Variants in EBF2 observed in about 807,000 individuals in gnomAD.
EBF2 encodes EBF transcription factor 2.
EBF2 carries 21 observed loss-of-function variants against 72.8 expected under a neutral mutation model. That is an observed-to-expected ratio of 0.29 (90% CI 0.20 to 0.42). The LOEUF (loss-of-function observed/expected upper bound fraction) is 0.42. EBF2 is among the 10% of genes least tolerant of loss of function. EBF2 has a pLI of 1.00. For synonymous variants in EBF2, 299 were observed against 274.2 expected (o/e 1.09, Z -0.89); for missense variants, 637 against 731.2 (o/e 0.87, Z 1.49).
intron 14 of EBF2, among the ~76,000 whole-genome samples, chr8:25,853,390 A>G (rs2117251781): frequency 6.6e-6 from 1 of 152,266 alleles, no homozygotes; most frequent in East Asian, 1.9e-4. Context: ...AAAAAAGAAA[A>G]TCAGGAATAA....
intron 6 of EBF2, among the ~76,000 whole-genome samples, chr8:25,989,040 G>C (rs1288510224): frequency 2.0e-5 from 3 of 152,234 alleles, no homozygotes; most frequent in East Asian, 3.8e-4. Context: ...ACTGGTCTTA[G>C]AGTCAGGCAA....
At chr8:25,869,595 T>C (rs978485970) in intron 10 of EBF2, among the ~76,000 whole-genome samples, 10 of 152,158 alleles carry the variant, frequency 6.6e-5, no homozygotes, top group Non-Finnish European at 1.3e-4. Flanking sequence ...GATTAAACAC[T>C]TGCACTCACA....
intron 6 of EBF2, among the ~76,000 whole-genome samples, chr8:25,945,088 G>GCCCCCCCCCC (rs11461828): frequency 9.0e-4 from 115 of 127,400 alleles, no homozygotes; most frequent in Non-Finnish European, 1.1e-3. Context: ...TTGTTCTGTT[G>GCCCCCCCCCC]CCCCCCCCGC....
At chr8:25,854,364 G>T (rs746833698) in intron 14 of EBF2, among the ~76,000 whole-genome samples, 1 of 152,214 alleles carries the variant, frequency 6.6e-6, no homozygotes, top group South Asian at 2.1e-4. Flanking sequence ...TATGACCTGG[G>T]TCTGCATCAC....
At position 26,005,559 on chromosome 8, in the gene EBF2, T is replaced by TAG. The variant is rs1362114716; in HGVS notation, c.551+27525_551+27526insCT. ...TATATATTTTATATATATATATATA[T>TAG]ATAGAGAGAGAGAGAGAGAGGTATT... is the stretch of plus-strand genomic sequence containing the variant. On this transcript the variant is annotated intron_variant, in intron 6 of 15. Coordinates refer to ENST00000520164, the MANE Select transcript of EBF2 (RefSeq NM_022659.4). Among the ~76,000 whole-genome samples the TAG allele has an allele frequency of 9.5e-4, 53 of 55,568 alleles. 3 individuals are homozygous for TAG. Among genetic ancestry groups the TAG allele is most frequent in the African/African-American group, 4.3e-3 (48 of 11,086 alleles). 36.5% of individuals were successfully genotyped at this position (55,568 alleles called of 152,430 possible). A position where few individuals can be genotyped will look rare whatever the true frequency, so the allele number is the denominator to read the frequency against.
At chr8:26,010,247 C>A (rs920362264) in intron 6 of EBF2, among the ~76,000 whole-genome samples, 18 of 152,192 alleles carry the variant, frequency 1.2e-4, no homozygotes, top group African/African-American at 4.1e-4. Context: ...AAGAGAGTGT[C>A]TGCTGTTATT....
At chr8:25,877,748 T>A (rs1183593101) in intron 10 of EBF2, among the ~76,000 whole-genome samples, 1 of 152,126 alleles carries the variant, frequency 6.6e-6, no homozygotes, top group African/African-American at 2.4e-5. Context: ...TAGAAAGTTC[T>A]ACATAAGAGT....
At chr8:26,028,248 G>A (rs1171446675) in intron 6 of EBF2, among the ~76,000 whole-genome samples, 2 of 152,094 alleles carry the variant, frequency 1.3e-5, no homozygotes, top group African/African-American at 4.8e-5. Flanking sequence ...TCATTGTGTT[G>A]TTTGTTTGGT....
chr8:26,029,716 C>G (rs764920610), intron 6 of EBF2, among the ~76,000 whole-genome samples: 2 of 152,128 alleles, frequency 1.3e-5, no homozygotes, highest in African/African-American at 2.4e-5. Context: ...ATTATAGGAA[C>G]AAGGACAAGG....
chr8:25,995,103 C>T lies in EBF2; in HGVS notation c.551+37982G>A, dbSNP rs1480166626. The stretch of plus-strand genomic sequence containing the variant: ...GGCAGATCACGTGAGGTCAGGAGTT[C>T]GAGACCAGCCTGACCAACATGGAGA... On this transcript the variant is annotated intron_variant, in intron 6 of 15. Transcript: ENST00000520164. 3.9e-5 allele frequency among the ~76,000 whole-genome samples: 6 copies of T among 152,114 alleles called. No homozygotes were observed. The East Asian group carries it at 7.8e-4, about 20-fold the overall frequency.
At chr8:26,043,604 C>T (rs1028668079) in intron 1 of EBF2, among the ~76,000 whole-genome samples, 2 of 152,200 alleles carry the variant, frequency 1.3e-5, no homozygotes, top group Admixed American at 6.5e-5. Context: ...GGAACCGCCG[C>T]CGGCCCAAGT....
chr8:26,031,426 CTTTTTTTTTTTTT>C (rs138023531), intron 6 of EBF2: 4 of 82,052 alleles, frequency 4.9e-5, no homozygotes, highest in African/African-American at 1.5e-4. Context: ...TTTTCTTTTT[CTTTTTTTTTTTTT>C]TTTTTTTTTT....
chr8:25,990,874 T>G (rs1463937221), intron 6 of EBF2, among the ~76,000 whole-genome samples: 2 of 152,154 alleles, frequency 1.3e-5, no homozygotes, highest in African/African-American at 2.4e-5. Flanking sequence ...GCACTTGGAG[T>G]ACAGAGTGGA....
intron 13 of EBF2, 37 bp from the exon 14 acceptor site, chr8:25,858,541 G>C: frequency 6.3e-7 from 1 of 1,594,472 alleles, no homozygotes; most frequent in Non-Finnish European, 8.5e-7. Context: ...AAATCAACAG[G>C]CGTGCACAGT....
chr8:25,995,162 C>T (rs1585220008), intron 6 of EBF2, among the ~76,000 whole-genome samples: 2 of 152,000 alleles, frequency 1.3e-5, no homozygotes, highest in East Asian at 3.9e-4. Context: ...AAACATTAGC[C>T]AGGCGTGGTG....
At chr8:25,908,171 C>T (rs143996669) in intron 7 of EBF2, among the ~76,000 whole-genome samples, 36 of 152,276 alleles carry the variant, frequency 2.4e-4, no homozygotes, top group African/African-American at 8.4e-4. Context: ...ATATCAAGAA[C>T]ATGGTTCCTG....
chr8:25,959,848 G>T (rs1417811158), intron 6 of EBF2, among the ~76,000 whole-genome samples: 1 of 152,122 alleles, frequency 6.6e-6, no homozygotes, highest in Non-Finnish European at 1.5e-5. Context: ...GAAGCAAATG[G>T]CACCCAACAG....
At chr8:26,022,007 G>T (rs1364141536) in intron 6 of EBF2, among the ~76,000 whole-genome samples, 1 of 152,198 alleles carries the variant, frequency 6.6e-6, no homozygotes, top group African/African-American at 2.4e-5. Context: ...ACTGATTATA[G>T]TAAAGTGAAA....
chr8:25,948,680 A>C (rs542102998), intron 6 of EBF2, among the ~76,000 whole-genome samples: 17 of 152,332 alleles, frequency 1.1e-4, no homozygotes, highest in Admixed American at 9.8e-4. Flanking sequence ...TCATAAAGTA[A>C]AGGAAACAGT....
Sources: gnomAD v4.1 joint callset for allele counts (sites outside exome capture counted in the v4.1 genomes callset) on GRCh38, gnomAD v4.1.1 for gene constraint, MANE v1.5 for transcripts, NCBI Gene and HGNC (gene_info 2026-07-23, HGNC 2026-07-21) for gene names.